Variants in MCTP1 observed in about 807,000 individuals in gnomAD.
The protein encoded by MCTP1 is multiple C2 and transmembrane domain containing 1.
Under a neutral mutation model 120.6 loss-of-function variants are expected in MCTP1, and 69 were observed. The observed-to-expected ratio is 0.57, with a 90% CI of 0.47 to 0.70. MCTP1 has a LOEUF of 0.70. Ranked by LOEUF, MCTP1 falls within the 30% of genes least tolerant of loss-of-function variation. The probability of loss-of-function intolerance (pLI) is 0.00; values close to 1 mark genes in which losing one functional copy is unlikely to be tolerated. For missense variants in MCTP1, 1,203 were observed against 1,248.8 expected, an observed-to-expected ratio of 0.96 and a Z score of 0.55; for synonymous variants, 529 against 493.1, an observed-to-expected ratio of 1.07 and a Z score of -0.96.
intron 18 of MCTP1, among the ~76,000 whole-genome samples, chr5:94,782,306 T>C (rs11744169): frequency 0.2 from 29,697 of 152,126 alleles, 3,862 homozygotes; most frequent in Middle Eastern, 0.3. Flanking sequence ...AAAATTCTGA[T>C]TCATGTTTTC....
chr5:94,760,781 G>A (rs984694139), intron 19 of MCTP1, among the ~76,000 whole-genome samples: 10 of 151,928 alleles, frequency 6.6e-5, no homozygotes, highest in Admixed American at 5.2e-4. Flanking sequence ...AGCTCCCCAG[G>A]CTCAAGTGAT....
intron 2 of MCTP1, among the ~76,000 whole-genome samples, chr5:95,010,575 CTT>C (rs1835736267): frequency 6.6e-6 from 1 of 152,066 alleles, no homozygotes; most frequent in Non-Finnish European, 1.5e-5. Context: ...TTAAATATCT[CTT>C]CTTATTTTTA....
At chr5:94,888,175 T>C (rs1801757552) in intron 12 of MCTP1, among the ~76,000 whole-genome samples, 1 of 152,220 alleles carries the variant, frequency 6.6e-6, no homozygotes, top group South Asian at 2.1e-4. Flanking sequence ...CATAAATGAA[T>C]GGTCACATTG....
intron 1 of MCTP1, chr5:95,038,046 T>A: frequency 1.4e-6 from 1 of 728,282 alleles, no homozygotes; most frequent in Non-Finnish European, 1.7e-6. Flanking sequence ...CTCATTTACA[T>A]ATGAGTTTAA....
Position 94,931,960 on chromosome 5 carries a change from G to A in MCTP1, c.1205C>T (p.Ser402Leu). 1 of 1,603,062 alleles carries A rather than the reference G, an allele frequency of 6.2e-7. No homozygotes were observed. The highest frequency in any genetic ancestry group is 8.5e-7 in the Non-Finnish European group (1 of 1,171,978). The stretch of plus-strand genomic sequence containing the variant: ...TCACAAGCTAAGAATTACCTTACTT[G>A]ATCTTTTCCAACTCTTCCTCATTAG... ...TMLMRKSWKR[S>L]SKELSENEVV... The change falls in exon 6 of 23, where the codon TCA (serine) becomes TTA (leucine). Residue 402 changes from serine (S) to leucine (L), a missense_variant. Ser to Leu is a moderately radical substitution (Grantham distance 145). Coordinates refer to ENST00000515393, the MANE Select transcript of MCTP1 (RefSeq NM_024717.7).
chr5:94,941,091 T>C (rs531856772), intron 4 of MCTP1, among the ~76,000 whole-genome samples: 1 of 152,112 alleles, frequency 6.6e-6, no homozygotes, highest in African/African-American at 2.4e-5. Context: ...ATTGTCACCA[T>C]TTAAAATTAT....
chr5:94,752,111 AT>A (rs1768546603), intron 19 of MCTP1, among the ~76,000 whole-genome samples: 3 of 27,798 alleles, frequency 1.1e-4, no homozygotes, highest in Non-Finnish European at 1.6e-4. Context: ...ATAATAAAAT[AT>A]ATATATATAT....
chr5:94,714,730 C>A lies in MCTP1; in HGVS notation c.2720+47G>T, dbSNP rs777068457. On this transcript the variant is annotated intron_variant, in intron 20 of 22. Transcript: ENST00000515393. The stretch of plus-strand genomic sequence containing the variant: ...TTTCACCCTCCAAGAAACAAATGGA[C>A]ACCTTATCCCACAGAAGAATGGGGC... The A allele has an allele frequency of 2.0e-5, 22 of 1,110,576 alleles. No individual in the cohort carries two copies. The Admixed American group carries it at 3.8e-4, about 19-fold the overall frequency. The allele number at this position is 1,110,576 out of a possible 1,614,324, so 68.8% of individuals were successfully genotyped here. A position where few individuals can be genotyped will look rare whatever the true frequency, so the allele number is the denominator to read the frequency against.
At chr5:95,158,976 G>T (rs537604828) in intron 1 of MCTP1, among the ~76,000 whole-genome samples, 5 of 152,050 alleles carry the variant, frequency 3.3e-5, no homozygotes, top group Non-Finnish European at 5.9e-5. Context: ...TTATGGTGCA[G>T]AATTTTTTAG....
chr5:95,206,354 G>C (rs1400546430), intron 1 of MCTP1, among the ~76,000 whole-genome samples: 4 of 152,124 alleles, frequency 2.6e-5, no homozygotes, highest in Admixed American at 2.0e-4. Flanking sequence ...GGGTTCAGGG[G>C]ACTGGAGGTA....
At chr5:94,898,383 T>G (rs1004991297) in intron 10 of MCTP1, among the ~76,000 whole-genome samples, 1 of 152,228 alleles carries the variant, frequency 6.6e-6, no homozygotes, top group African/African-American at 2.4e-5. Context: ...GAGGATAAAC[T>G]TAAAGCTTTA....
At chr5:94,867,495 A>G (rs2153275614) in intron 17 of MCTP1, 1 of 689,142 alleles carries the variant, frequency 1.5e-6, no homozygotes, top group African/African-American at 1.8e-5. Context: ...GTAAGCCCCC[A>G]TAATAAAGTC....
rs61225629 is a variant in MCTP1 at position 95,205,846 on chromosome 5, A to G, written c.720+78010T>C. On this transcript the variant is annotated intron_variant, in intron 1 of 22. Transcript: ENST00000515393. ...AGACCACAATGAAATAATATTTCAC[A>G]CTCACTAACATAACTACAATCAAGA... 7.9e-3 allele frequency among the ~76,000 whole-genome samples: 1,207 copies of G among 152,292 alleles called. 15 individuals are homozygous for G. Among genetic ancestry groups the G allele is most frequent in the African/African-American group, 0.027 (1,135 of 41,564 alleles).
At chr5:95,044,227 G>A (rs973610418) in intron 1 of MCTP1, among the ~76,000 whole-genome samples, 4 of 152,212 alleles carry the variant, frequency 2.6e-5, no homozygotes, top group African/African-American at 4.8e-5. Flanking sequence ...GAGGAGAATG[G>A]AAGAAGCAAT....
intron 2 of MCTP1, among the ~76,000 whole-genome samples, chr5:94,994,398 A>T (rs940806554): frequency 1.3e-5 from 2 of 152,198 alleles, no homozygotes; most frequent in Non-Finnish European, 2.9e-5. Context: ...AGTGTGATCA[A>T]AACTCTTAGG....
chr5:94,759,901 G>GAC (rs1178160562), intron 19 of MCTP1, among the ~76,000 whole-genome samples: 15 of 9,528 alleles, frequency 1.6e-3, no homozygotes, highest in Non-Finnish European at 3.1e-3. Context: ...CTTTTTCAAA[G>GAC]AGAAAAAAAA....
At chr5:94,818,073 CT>C (rs1278512061) in intron 17 of MCTP1, among the ~76,000 whole-genome samples, 3 of 152,124 alleles carry the variant, frequency 2.0e-5, no homozygotes, top group Admixed American at 6.5e-5. Flanking sequence ...AAAAAAGAAT[CT>C]TTTTTCCCCT....
At position 94,785,957 on chromosome 5, in the gene MCTP1, A is replaced by G. The variant is rs77027905; in HGVS notation, c.2557-6794T>C. Among the ~76,000 whole-genome samples the G allele has an allele frequency of 2.9e-3, 435 of 152,288 alleles. 3 individuals are homozygous for G. Among genetic ancestry groups the G allele is most frequent in the African/African-American group, 0.01 (416 of 41,576 alleles). ...ACAGTTTAGCACAAGTATGCAAAAT[A>G]CTATGGAAATATTGGAATATATTTC... is the stretch of plus-strand genomic sequence containing the variant. On this transcript the variant is annotated intron_variant, in intron 18 of 22. Transcript: ENST00000515393.
intron 2 of MCTP1, among the ~76,000 whole-genome samples, chr5:94,992,945 A>G (rs1831889318): frequency 6.6e-6 from 1 of 152,212 alleles, no homozygotes; most frequent in South Asian, 2.1e-4. Flanking sequence ...CATTTAAAAG[A>G]AATTAACTGA....
Sources: gnomAD v4.1 joint callset for allele counts (sites outside exome capture counted in the v4.1 genomes callset) on GRCh38, gnomAD v4.1.1 for gene constraint, MANE v1.5 for transcripts, NCBI Gene and HGNC (gene_info 2026-07-23, HGNC 2026-07-21) for gene names.